Variants in APC observed in about 807,000 individuals in gnomAD.
APC encodes the protein adenomatous polyposis coli protein.
A neutral mutation model predicts 247.0 loss-of-function variants in APC; 72 were observed. That is an observed-to-expected ratio of 0.29 (90% confidence interval 0.24 to 0.35). The LOEUF (loss-of-function observed/expected upper bound fraction) is 0.35, where lower values mean the gene tolerates loss of function less well. Ranked by LOEUF, APC falls within the 10% of genes least tolerant of loss-of-function variation. The probability of loss-of-function intolerance (pLI) is 1.00; values close to 1 mark genes in which losing one functional copy is unlikely to be tolerated. For missense variants in APC, 3,400 were observed against 3,360.7 expected, an observed-to-expected ratio of 1.01 and a Z score of -0.29; for synonymous variants, 1,254 against 1,162.5, an observed-to-expected ratio of 1.08 and a Z score of -1.60.
intron 5 of APC, 23 bp downstream of exon 5, chr5:112,775,760 T>G: frequency 7.6e-7 from 1 of 1,313,412 alleles, no homozygotes; most frequent in Middle Eastern, 2.1e-4. Context: ...GCAGTACAAC[T>G]TATTTGAAAC....
Position 112,842,630 on chromosome 5 carries a change from C to G in APC, c.7036C>G (p.Pro2346Ala). The change falls in exon 16 of 16, where the codon CCA becomes GCA. Residue 2346 changes from proline (P) to alanine (A), a missense_variant. By Grantham distance (27) the Pro-to-Ala change is conservative. Around this residue, in one of 9 missense-constraint regions of APC, gnomAD observed 1,788 missense variants for 1,649.5 expected, o/e 1.08. Transcript: ENST00000257430. ...TCCTCCTAACAAATTATCTCAACTT[C>G]CAAGGACATCATCCCCTAGTACTGC... ...ISPPNKLSQL[P>A]RTSSPSTAST... The G allele has an allele frequency of 6.2e-7, 1 of 1,613,938 alleles. No homozygotes were observed. The highest frequency in any genetic ancestry group is 8.5e-7 in the Non-Finnish European group (1 of 1,179,870).
chr5:112,750,265 A>G (rs1233064008), intron 1 of APC, among the ~76,000 whole-genome samples: 1 of 152,160 alleles, frequency 6.6e-6, no homozygotes, highest in African/African-American at 2.4e-5. Context: ...CACCTGGCCA[A>G]TGCTTTGCTT....
chr5:112,763,568 CATTA>C (rs1052821491), intron 2 of APC, among the ~76,000 whole-genome samples: 19 of 151,278 alleles, frequency 1.3e-4, no homozygotes, highest in African/African-American at 4.6e-4. Context: ...ATTAATGTAC[CATTA>C]GTTTTGAAAA....
Position 112,708,254 on chromosome 5 carries a change from ACT to A in APC, c.165+377_165+378del, listed in dbSNP as rs1307587061. Among the ~76,000 whole-genome samples the A allele has an allele frequency of 4.0e-5, 6 of 151,856 alleles. No individual in the cohort carries two copies. The South Asian group carries it at 8.3e-4, about 21-fold the overall frequency. On this transcript the variant is annotated intron_variant, in intron 1 of 13. Transcript: ENST00000507379. ...CTCTTGCTTCCTCTAAAAGTTTTAA[ACT>A]CTCTGCCTGGGAAAATACCTGATAG...
At chr5:112,754,218 G>A (rs1581119497) in intron 1 of APC, among the ~76,000 whole-genome samples, 1 of 152,086 alleles carries the variant, frequency 6.6e-6, no homozygotes, top group East Asian at 1.9e-4. Context: ...TCAACCTTTT[G>A]AATAAATGTG....
chr5:112,838,374 C>T lies in APC; in HGVS notation c.2780C>T (p.Ala927Val), dbSNP rs587781500. ...DERNALRRSS[A>V]AHTHSNTYNF... ...AGAAATGCACTTAGAAGAAGCTCTGCTGCCCATACACATTCAAACACTTAC... is the reference window on the plus strand; with the variant it reads ...AGAAATGCACTTAGAAGAAGCTCTGTTGCCCATACACATTCAAACACTTAC... The change falls in exon 16 of 16, where the codon GCT (alanine) becomes GTT (valine). Residue 927 changes from alanine to valine, a missense_variant. By Grantham distance (64) the Ala-to-Val change is moderately conservative. This residue lies in a region of APC where 715 missense variants were observed against 656.6 expected (regional missense o/e 1.09). Transcript: ENST00000257430. 6.2e-7 allele frequency: 1 copy of T among 1,614,054 alleles called. No individual in the cohort carries two copies. The highest frequency in any genetic ancestry group is 1.3e-5 in the African/African-American group (1 of 74,930).
At chr5:112,734,362 G>A (rs1191550603), upstream of APC, among the ~76,000 whole-genome samples, 1 of 152,102 alleles carries the variant, frequency 6.6e-6, no homozygotes, top group African/African-American at 2.4e-5. Context: ...AACCAGTTAG[G>A]CACACATCTA....
intron 1 of APC, among the ~76,000 whole-genome samples, chr5:112,749,538 G>T (rs1000513647): frequency 7.3e-6 from 1 of 137,624 alleles, no homozygotes; most frequent in Non-Finnish European, 1.5e-5. Context: ...AGGCTGGAGT[G>T]CAGTGGCATG....
chr5:112,722,470 G>C (rs1242630154), intron 1 of APC, among the ~76,000 whole-genome samples: 1 of 152,070 alleles, frequency 6.6e-6, no homozygotes, highest in Non-Finnish European at 1.5e-5. Context: ...GATGCTAGTT[G>C]GGTGTCCTCC....
chr5:112,811,154 A>G lies in APC; in HGVS notation c.835-4341A>G, dbSNP rs948621239. Among the ~76,000 whole-genome samples, 15 of 152,326 alleles carry G rather than the reference A, an allele frequency of 9.8e-5. No individual in the cohort carries two copies. The East Asian group carries it at 2.5e-3, about 25-fold the overall frequency. On this transcript the variant is annotated intron_variant, in intron 8 of 15. Coordinates refer to ENST00000257430, the MANE Select transcript of APC (RefSeq NM_000038.6). ...AGCATTGAATGTGGATGGTACAGGA[A>G]AGTTGGATAGGAAAAAGGACAGTGG...
intron 1 of APC, among the ~76,000 whole-genome samples, chr5:112,748,303 G>T (rs1753908629): frequency 6.6e-6 from 1 of 152,048 alleles, no homozygotes; most frequent in African/African-American, 2.4e-5. Context: ...AATAGAAAAG[G>T]GTTGTTAAAG....
chr5:112,714,904 G>A (rs1331133580), intron 1 of APC, among the ~76,000 whole-genome samples: 1 of 152,122 alleles, frequency 6.6e-6, no homozygotes, highest in East Asian at 1.9e-4. Context: ...AACTGTTTAT[G>A]GAATTAGTGA....
chr5:112,841,273 A>G lies in APC; in HGVS notation c.5679A>G (p.Lys1893=), dbSNP rs1308750071. 1 of 1,613,918 alleles carries G rather than the reference A, an allele frequency of 6.2e-7. No individual in the cohort carries two copies. Among genetic ancestry groups the G allele is most frequent in the Non-Finnish European group, 8.5e-7 (1 of 1,179,824 alleles). Residue 1893 remains lysine (K), a synonymous_variant, in exon 16 of 16, where the codon AAA becomes AAG. Transcript: ENST00000257430. The surrounding 1 kb of genome is among the most constrained non-coding windows in gnomAD (Gnocchi z 4.6). ...AAGAAAATAAGGAATCAGAGGCTAA[A>G]GTTACCAGCCACACAGAACTAACCT... ...KAKENKESEA[K]VTSHTELTSN... is the part of the protein sequence containing the mutation.
rs879254185 is a variant in APC at position 112,843,880 on chromosome 5, C to A, written c.8286C>A (p.Phe2762Leu). 3.7e-6 allele frequency: 6 copies of A among 1,613,786 alleles called. No individual in the cohort carries two copies. In the African/African-American group the frequency reaches 6.7e-5, roughly 18 times the overall value. The change falls in exon 16 of 16, where the codon TTC becomes TTA. Residue 2762 changes from phenylalanine (F) to leucine (L), a missense_variant. By Grantham distance (22) the Phe-to-Leu change is conservative (BLOSUM62 0). Coordinates refer to ENST00000257430, the MANE Select transcript of APC (RefSeq NM_000038.6). The surrounding 1 kb of genome is among the most constrained non-coding windows in gnomAD (Gnocchi z 4.8). The stretch of plus-strand genomic sequence containing the variant: ...GTTCTATAGTGGAACGTACCCCATT[C>A]AGTTCTAGCAGCTCAAGCAAACACA... Reference protein sequence around the residue: ...NESSIVERTPFSSSSSSKHSS... With the variant: ...NESSIVERTPLSSSSSSKHSS...
At chr5:112,753,654 G>A (rs576810644) in intron 1 of APC, among the ~76,000 whole-genome samples, 25 of 152,184 alleles carry the variant, frequency 1.6e-4, no homozygotes, top group African/African-American at 6.0e-4. Flanking sequence ...CAGGTTTACT[G>A]TAGATTCTAG....
intron 8 of APC, among the ~76,000 whole-genome samples, chr5:112,814,539 A>G (rs965466454): frequency 3.1e-4 from 47 of 152,284 alleles, no homozygotes; most frequent in Middle Eastern, 6.8e-3. Flanking sequence ...GTTCAAGCCA[A>G]TTAATTTGAA....
chr5:112,834,385 G>A (rs77304999), intron 14 of APC, among the ~76,000 whole-genome samples: 1 of 151,790 alleles, frequency 6.6e-6, no homozygotes, highest in Admixed American at 6.6e-5. Context: ...GGGATTACAG[G>A]CACCTGCCAT....
At chr5:112,709,131 A>G (rs546385828) in intron 1 of APC, among the ~76,000 whole-genome samples, 1 of 152,222 alleles carries the variant, frequency 6.6e-6, no homozygotes, top group Non-Finnish European at 1.5e-5. Flanking sequence ...AAATTGAGCA[A>G]TATCGTTTTC....
In APC at chr5:112,840,978, C is replaced by CA; in HGVS notation, c.5390dup (p.Asn1797LysfsTer2). 6.2e-7 allele frequency: 1 copy of CA among 1,612,462 alleles called. No individual in the cohort carries two copies. Among genetic ancestry groups the CA allele is most frequent in the Non-Finnish European group, 8.5e-7 (1 of 1,179,058 alleles). On this transcript the variant is annotated frameshift_variant, in exon 16 of 16. Coordinates refer to ENST00000257430, the MANE Select transcript of APC (RefSeq NM_000038.6). LOFTEE classifies it high-confidence loss of function. This position sits in a 1 kb window ranked among gnomAD's most constrained non-coding sequence, Gnocchi z 4.1. The stretch of plus-strand genomic sequence containing the variant: ...ACACGTGTAAGAAAAAATGCAGACT[C>CA]AAAAAATAATTTAAATGCTGAGAGA...
Sources: gnomAD v4.1 joint callset for allele counts (sites outside exome capture counted in the v4.1 genomes callset) on GRCh38, gnomAD v4.1.1 for gene constraint, gnomAD v4.1.1 regional missense constraint, Gnocchi (gnomAD v3.1) non-coding constraint, MANE v1.5 for transcripts, NCBI Gene and HGNC (gene_info 2026-07-23, HGNC 2026-07-21) for gene names.